TBC1D22A: variants seen among roughly 807,000 people sequenced by gnomAD.
TBC1D22A encodes the protein putative GTPase activator.
Under a neutral mutation model 60.2 loss-of-function variants are expected in TBC1D22A, and 38 were observed. That is an observed-to-expected ratio of 0.63 (90% CI 0.49 to 0.83). The LOEUF is 0.83. TBC1D22A is among the 40% of genes least tolerant of loss of function. The pLI is 0.00. For synonymous variants in TBC1D22A, 302 were observed against 281.7 expected, an observed-to-expected ratio of 1.07 and a Z score of -0.72; for missense variants, 628 against 701.0, an observed-to-expected ratio of 0.90 and a Z score of 1.18.
At position 46,990,037 on chromosome 22, in the gene TBC1D22A, C is replaced by T. The variant is rs2074878316; in HGVS notation, c.1126-7597C>T. Among the ~76,000 whole-genome samples the T allele has an allele frequency of 6.6e-6, 1 of 152,194 alleles. No homozygotes were observed. Among genetic ancestry groups the T allele is most frequent in the African/African-American group, 2.4e-5 (1 of 41,448 alleles). On this transcript the variant is annotated intron_variant, in intron 9 of 12. Coordinates refer to ENST00000337137, the MANE Select transcript of TBC1D22A (RefSeq NM_014346.5). The surrounding 1 kb of genome is among the most constrained non-coding windows in gnomAD (Gnocchi z 4.6). ...CAGACTGGTCTTGAACTCCTGGGCT[C>T]AAGCGAGCTGCCCATGTTGGCCTCC...
At chr22:47,104,732 C>G (rs912663432) in intron 11 of TBC1D22A, among the ~76,000 whole-genome samples, 2 of 151,202 alleles carry the variant, frequency 1.3e-5, no homozygotes, top group African/African-American at 2.4e-5. Flanking sequence ...GGAAACATTT[C>G]TCTCTATTGT....
At chr22:46,890,033 C>A (rs943847210) in intron 5 of TBC1D22A, among the ~76,000 whole-genome samples, 1 of 152,124 alleles carries the variant, frequency 6.6e-6, no homozygotes, top group Non-Finnish European at 1.5e-5. Flanking sequence ...CAGATTCAAC[C>A]AACTGTGCTT....
intron 8 of TBC1D22A, among the ~76,000 whole-genome samples, chr22:46,964,376 G>A (rs1364032060): frequency 3.3e-5 from 5 of 152,184 alleles, no homozygotes; most frequent in African/African-American, 4.8e-5. Context: ...GACCTGCAGA[G>A]CATGCGGCCT....
intron 6 of TBC1D22A, among the ~76,000 whole-genome samples, chr22:46,894,392 A>G (rs1017488866): frequency 6.6e-6 from 1 of 152,236 alleles, no homozygotes; most frequent in African/African-American, 2.4e-5. Context: ...CTGTCCAGGA[A>G]GAAGCTGTCA....
intron 10 of TBC1D22A, among the ~76,000 whole-genome samples, chr22:47,016,677 C>T (rs1051833060): frequency 6.6e-6 from 1 of 152,234 alleles, no homozygotes; most frequent in African/African-American, 2.4e-5. Flanking sequence ...GTCCGCTGCA[C>T]GAGTCCTTCC....
chr22:46,910,692 A>C (rs2069851183), intron 7 of TBC1D22A, among the ~76,000 whole-genome samples: 2 of 151,998 alleles, frequency 1.3e-5, no homozygotes, highest in African/African-American at 4.8e-5. Context: ...TTCCAAAAAG[A>C]GAGTGGGGAG....
intron 4 of TBC1D22A, among the ~76,000 whole-genome samples, chr22:46,830,003 G>T (rs1371045922): frequency 1.3e-5 from 2 of 152,224 alleles, no homozygotes; most frequent in Non-Finnish European, 2.9e-5. Flanking sequence ...TTCCCAAGGC[G>T]CTGTGCTCGG....
At chr22:46,906,726 C>G (rs1487715178) in intron 7 of TBC1D22A, among the ~76,000 whole-genome samples, 1 of 152,094 alleles carries the variant, frequency 6.6e-6, no homozygotes, top group Non-Finnish European at 1.5e-5. Context: ...CAGATAGACC[C>G]TGAGCTGTTT....
At chr22:47,045,140 C>A (rs2062987887) in intron 11 of TBC1D22A, among the ~76,000 whole-genome samples, 1 of 152,230 alleles carries the variant, frequency 6.6e-6, no homozygotes, top group African/African-American at 2.4e-5. Flanking sequence ...GTTTTGGGCG[C>A]TGACTCGTAC....
chr22:47,128,787 C>T (rs2066584248), intron 12 of TBC1D22A, among the ~76,000 whole-genome samples: 1 of 152,188 alleles, frequency 6.6e-6, no homozygotes, highest in Admixed American at 6.5e-5. Flanking sequence ...GGGCAAGCAC[C>T]TGGCGACGGT....
chr22:46,917,364 C>A (rs1020750078), intron 8 of TBC1D22A, among the ~76,000 whole-genome samples: 1 of 152,128 alleles, frequency 6.6e-6, no homozygotes, highest in Admixed American at 6.6e-5. Flanking sequence ...AGGCAGGAGA[C>A]TCGCTGACGG....
At chr22:46,847,961 G>A (rs1363959535) in intron 4 of TBC1D22A, among the ~76,000 whole-genome samples, 4 of 144,474 alleles carry the variant, frequency 2.8e-5, no homozygotes, top group Admixed American at 6.8e-5. Context: ...GTGTGCGCGC[G>A]CGCACGCGCT....
chr22:47,090,127 A>G (rs1449067616), intron 11 of TBC1D22A, among the ~76,000 whole-genome samples: 1 of 152,164 alleles, frequency 6.6e-6, no homozygotes, highest in African/African-American at 2.4e-5. Context: ...CTAGAAGCTT[A>G]TACCCCAGCA....
intron 11 of TBC1D22A, among the ~76,000 whole-genome samples, chr22:47,046,756 A>G (rs1411160685): frequency 6.6e-6 from 1 of 152,214 alleles, no homozygotes; most frequent in Non-Finnish European, 1.5e-5. Flanking sequence ...AAGAGGAGCC[A>G]GAGAGCCGTT....
At chr22:47,150,528 T>C (rs898599827) in intron 12 of TBC1D22A, among the ~76,000 whole-genome samples, 5 of 152,018 alleles carry the variant, frequency 3.3e-5, no homozygotes, top group African/African-American at 4.8e-5. Flanking sequence ...GCTTGCTGGG[T>C]GGCACCGGAG....
At chr22:46,865,164 C>T (rs1035984526) in intron 4 of TBC1D22A, among the ~76,000 whole-genome samples, 5 of 152,224 alleles carry the variant, frequency 3.3e-5, no homozygotes, top group Admixed American at 6.5e-5. Context: ...GGCATCTCTG[C>T]AGGATCCAGG....
At chr22:47,096,787 A>C (rs561082986) in intron 11 of TBC1D22A, among the ~76,000 whole-genome samples, 27 of 152,170 alleles carry the variant, frequency 1.8e-4, no homozygotes, top group Non-Finnish European at 3.4e-4. Context: ...GTGCCACAGC[A>C]CTCCAGCCTG....
chr22:47,059,012 ACT>A (rs1331684142), intron 11 of TBC1D22A, among the ~76,000 whole-genome samples: 1 of 151,854 alleles, frequency 6.6e-6, no homozygotes, highest in Non-Finnish European at 1.5e-5. Context: ...TGCGCTGGAC[ACT>A]CTACACGTCC....
chr22:47,079,084 C>CATTTTTTTTTTT (rs1556117651), intron 11 of TBC1D22A, among the ~76,000 whole-genome samples: 1 of 124,962 alleles, frequency 8.0e-6, no homozygotes. Context: ...GTAGAGCAGA[C>CATTTTTTTTTTT]TTTTTTTTTT....
Sources: allele counts gnomAD v4.1 joint callset (sites outside exome capture counted in the v4.1 genomes callset), GRCh38; gene constraint gnomAD v4.1.1; non-coding constraint Gnocchi (gnomAD v3.1); transcripts MANE v1.5; gene names NCBI Gene and HGNC (gene_info 2026-07-23, HGNC 2026-07-21).